Variants in HMGCLL1 observed in about 807,000 individuals in gnomAD.
HMGCLL1 encodes 3-hydroxy-3-methylglutaryl-CoA lyase like 1.
In HMGCLL1, 36 loss-of-function variants were observed where a neutral mutation model predicts 39.1. The ratio of observed to expected loss-of-function variants is 0.92; its 90% CI spans 0.71 to 1.22. HMGCLL1 has a LOEUF of 1.22. HMGCLL1 is among the 50% of genes most tolerant of loss of function. The probability of loss-of-function intolerance (pLI) is 0.00; values close to 1 mark genes in which losing one functional copy is unlikely to be tolerated. For missense variants in HMGCLL1, 451 were observed against 416.5 expected, an observed-to-expected ratio of 1.08 and a Z score of -0.72; for synonymous variants, 149 against 144.0, an observed-to-expected ratio of 1.03 and a Z score of -0.25.
At chr6:55,584,875 T>C in the HMGCLL1 span, among the ~76,000 whole-genome samples, 1 of 151,966 alleles carries the variant, frequency 6.6e-6, no homozygotes, top group African/African-American at 2.4e-5. Flanking sequence ...TGGTGAGCAT[T>C]ACAAGAGTGA....
chr6:55,616,569 C>G, the HMGCLL1 span, among the ~76,000 whole-genome samples: 77 of 152,156 alleles, frequency 5.1e-4, no homozygotes, highest in East Asian at 0.015. Flanking sequence ...GATACGGCAA[C>G]AATGAACTGA....
At chr6:55,448,054 T>G (rs1199946953) in intron 7 of HMGCLL1, among the ~76,000 whole-genome samples, 1 of 152,148 alleles carries the variant, frequency 6.6e-6, no homozygotes, top group African/African-American at 2.4e-5. Flanking sequence ...TCCACACAAG[T>G]TAGCAACATT....
At chr6:55,600,749 G>T in the HMGCLL1 span, among the ~76,000 whole-genome samples, 3 of 152,062 alleles carry the variant, frequency 2.0e-5, no homozygotes, top group African/African-American at 7.2e-5. Context: ...ACTTTCCCCA[G>T]TATGTGTTCT....
chr6:55,541,549 T>C (rs1223520603), intron 3 of HMGCLL1, among the ~76,000 whole-genome samples, 180 bp downstream of exon 3: 1 of 152,210 alleles, frequency 6.6e-6, no homozygotes, highest in East Asian at 1.9e-4. Flanking sequence ...TATAAAGTTC[T>C]AAGTAACTTG....
At chr6:55,455,511 C>T (rs191612903) in intron 7 of HMGCLL1, among the ~76,000 whole-genome samples, 144 of 152,154 alleles carry the variant, frequency 9.5e-4, no homozygotes, top group African/African-American at 3.3e-3. Flanking sequence ...GGAGAAAACT[C>T]GCATGTCTAG....
At position 55,480,014 on chromosome 6, in the gene HMGCLL1, G is replaced by C. The variant is rs113619581; in HGVS notation, c.795+15405C>G. Among the ~76,000 whole-genome samples the C allele has an allele frequency of 6.9e-3, 1,053 of 151,734 alleles. 4 individuals are homozygous for C. Among genetic ancestry groups the C allele is most frequent in the Non-Finnish European group, 0.011 (753 of 67,994 alleles). ...ATGCTTGAAGAGGTTAAAGAAGTGA[G>C]AGAGTTTCCCCAATGTTTCTTTTAG... is the stretch of plus-strand genomic sequence containing the variant. On this transcript the variant is annotated intron_variant, in intron 7 of 8. Transcript: ENST00000274901.
intron 7 of HMGCLL1, among the ~76,000 whole-genome samples, chr6:55,480,601 C>T (rs1039148598): frequency 2.0e-5 from 3 of 151,460 alleles, no homozygotes; most frequent in African/African-American, 2.4e-5. Context: ...ATTTAGGTAC[C>T]GTACACATAG....
the HMGCLL1 span, among the ~76,000 whole-genome samples, chr6:55,651,103 T>C: frequency 1.3e-5 from 2 of 152,056 alleles, no homozygotes; most frequent in Admixed American, 1.3e-4. Context: ...TTTTCTCAAA[T>C]AGAAAGAGTC....
At chr6:55,442,080 A>T (rs1763622455) in intron 7 of HMGCLL1, among the ~76,000 whole-genome samples, 2 of 152,138 alleles carry the variant, frequency 1.3e-5, no homozygotes, top group African/African-American at 4.8e-5. Context: ...TGAAAGCATT[A>T]TATCAAGGAT....
At chr6:55,585,949 G>A in the HMGCLL1 span, among the ~76,000 whole-genome samples, 3 of 151,978 alleles carry the variant, frequency 2.0e-5, no homozygotes, top group African/African-American at 7.2e-5. Flanking sequence ...TTAATTAGAG[G>A]AGTATAAGAA....
chr6:55,503,060 C>T (rs13212825), intron 5 of HMGCLL1, among the ~76,000 whole-genome samples: 42,251 of 151,410 alleles, frequency 0.28, 7,299 homozygotes, highest in Non-Finnish European at 0.37. Context: ...ATTGTGAGTG[C>T]CTTTTCATGG....
the HMGCLL1 span, among the ~76,000 whole-genome samples, chr6:55,600,703 C>T: frequency 1.3e-5 from 2 of 152,056 alleles, no homozygotes; most frequent in African/African-American, 4.8e-5. Flanking sequence ...TGTGCTTCAA[C>T]AAATCAAATT....
chr6:55,477,219 T>TATA (rs1765378620), intron 7 of HMGCLL1, among the ~76,000 whole-genome samples: 1 of 13,714 alleles, frequency 7.3e-5, no homozygotes, highest in African/African-American at 6.6e-4. Context: ...TATTATATTA[T>TATA]AATATATAAT....
chr6:55,575,277 A>C (rs1771706936), intron 1 of HMGCLL1, among the ~76,000 whole-genome samples: 1 of 152,100 alleles, frequency 6.6e-6, no homozygotes, highest in African/African-American at 2.4e-5. Flanking sequence ...GCAAAAACAG[A>C]GACCCACATA....
chr6:55,572,928 C>A (rs1771586774), intron 1 of HMGCLL1, among the ~76,000 whole-genome samples: 1 of 152,022 alleles, frequency 6.6e-6, no homozygotes, highest in African/African-American at 2.4e-5. Flanking sequence ...AGTGGTGAGC[C>A]CAACAGTCAG....
chr6:55,526,263 T>C (rs1356838507), intron 3 of HMGCLL1, among the ~76,000 whole-genome samples: 1 of 152,012 alleles, frequency 6.6e-6, no homozygotes, highest in African/African-American at 2.4e-5. Context: ...TCCTTTACAT[T>C]ATTCCTTCTG....
At chr6:55,506,327 T>C (rs1034240642) in intron 5 of HMGCLL1, among the ~76,000 whole-genome samples, 1 of 151,724 alleles carries the variant, frequency 6.6e-6, no homozygotes, top group African/African-American at 2.4e-5. Context: ...TGATCCTTTG[T>C]GTTTTTTCCT....
chr6:55,608,083 T>C, the HMGCLL1 span, among the ~76,000 whole-genome samples: 2 of 152,208 alleles, frequency 1.3e-5, no homozygotes, highest in Admixed American at 1.3e-4. Context: ...TTAATTTGCC[T>C]CTTATATTAG....
the HMGCLL1 span, among the ~76,000 whole-genome samples, chr6:55,585,026 A>G: frequency 0.52 from 78,711 of 151,792 alleles, 20,827 homozygotes; most frequent in African/African-American, 0.62. Flanking sequence ...CATATGTTAT[A>G]TCTGGCTGAT....
Sources: gnomAD v4.1 joint callset for allele counts (sites outside exome capture counted in the v4.1 genomes callset) on GRCh38, gnomAD v4.1.1 for gene constraint, MANE v1.5 for transcripts, NCBI Gene and HGNC (gene_info 2026-07-23, HGNC 2026-07-21) for gene names.